The following COL26A1 variants were observed in gnomAD, a reference collection of about 807,000 sequenced individuals.
COL26A1 encodes the protein collagen alpha-1(XXVI) chain.
In COL26A1, 41 loss-of-function variants were observed where a neutral mutation model predicts 59.3. The ratio of observed to expected loss-of-function variants is 0.69; its 90% CI spans 0.54 to 0.90. COL26A1 has a LOEUF of 0.90. COL26A1 is among the 40% of genes least tolerant of loss of function. The pLI, the probability that COL26A1 is intolerant of heterozygous loss-of-function variation, is 0.00. For synonymous variants in COL26A1, 266 were observed against 256.0 expected (o/e 1.04, Z -0.37); for missense variants, 612 against 602.3 (o/e 1.02, Z -0.17).
rs186342608 is a variant in COL26A1 at position 101,557,610 on chromosome 7, G to T, written c.*80G>T. 1.2e-4 allele frequency: 165 copies of T among 1,401,094 alleles called. No individual in the cohort carries two copies. In the African/African-American group the frequency reaches 1.9e-3, roughly 16 times the overall value. The allele number at this position is 1,401,094 out of a possible 1,614,324, so 86.8% of individuals were successfully genotyped here. On this transcript the variant is annotated 3_prime_UTR_variant, in exon 13 of 13. Transcript: ENST00000313669. ...TGAGCCGCCGCTGTTTCCTAAAGAT[G>T]CCCCCAGGGGAACTGGGCTCCAGGC...
At chr7:101,446,459 C>A (rs560083562) in intron 2 of COL26A1, among the ~76,000 whole-genome samples, 2 of 152,166 alleles carry the variant, frequency 1.3e-5, no homozygotes, top group Non-Finnish European at 2.9e-5. Context: ...AGAGGGATGG[C>A]GACTTGTGCA....
intron 11 of COL26A1, 148 bp downstream of exon 11, chr7:101,553,524 A>G (rs1055126218): frequency 1.6e-4 from 94 of 581,552 alleles, no homozygotes; most frequent in Admixed American, 4.5e-4. Context: ...CCCTGCCCTG[A>G]GAAGTTCACA....
chr7:101,549,284 T>TC, intron 9 of COL26A1, 61 bp downstream of exon 9: 2 of 1,178,984 alleles, frequency 1.7e-6, no homozygotes, highest in Non-Finnish European at 2.5e-6. Context: ...TGGCCTTGTC[T>TC]CCCTAGGGGA....
At chr7:101,377,472 T>C (rs1791346255) in intron 1 of COL26A1, among the ~76,000 whole-genome samples, 1 of 152,130 alleles carries the variant, frequency 6.6e-6, no homozygotes, top group Non-Finnish European at 1.5e-5. Context: ...TTGTTCAGGC[T>C]GGAATGCAGT....
In COL26A1 at chr7:101,363,105, T is replaced by C. The variant is rs767776409; in HGVS notation, c.73T>C (p.Tyr25His). 21 of 1,556,948 alleles carry C rather than the reference T, an allele frequency of 1.3e-5. No individual in the cohort carries two copies. The highest frequency in any genetic ancestry group is 1.8e-5 in the Non-Finnish European group (21 of 1,160,352). The change falls in exon 1 of 13, where the codon TAT (tyrosine) becomes CAT (histidine). Residue 25 changes from tyrosine to histidine, a missense_variant. Tyr to His is a moderately conservative substitution (Grantham distance 83). Transcript: ENST00000313669. ...GTCGGCGCTGGCCACCGGCTTCCTCTATCCCTTCTCGGCCGCAGCTCTGCA... is the reference window on the plus strand; with the variant it reads ...GTCGGCGCTGGCCACCGGCTTCCTCCATCCCTTCTCGGCCGCAGCTCTGCA... ...CGSALATGFLYPFSAAALQQH... is the reference protein window; with the variant it reads ...CGSALATGFLHPFSAAALQQH...
intron 3 of COL26A1, among the ~76,000 whole-genome samples, 152 bp from the exon 4 acceptor site, chr7:101,532,930 G>A (rs1262429263): frequency 6.6e-6 from 1 of 152,182 alleles, no homozygotes; most frequent in Non-Finnish European, 1.5e-5. Context: ...GGCTCTGAGG[G>A]TAAGGCTTTG....
At chr7:101,389,834 T>A (rs563722344) in intron 1 of COL26A1, among the ~76,000 whole-genome samples, 2 of 152,162 alleles carry the variant, frequency 1.3e-5, no homozygotes, top group African/African-American at 4.8e-5. Context: ...ATTACAGGCG[T>A]GAGCCACCGC....
At chr7:101,490,569 C>G (rs1308796725) in intron 3 of COL26A1, among the ~76,000 whole-genome samples, 1 of 151,578 alleles carries the variant, frequency 6.6e-6, no homozygotes, top group African/African-American at 2.4e-5. Context: ...GGTATGGTGG[C>G]ACAAGCCTGT....
rs1044118786 is a variant in COL26A1 at position 101,493,385 on chromosome 7, G to A, written c.386-39697G>A. Among the ~76,000 whole-genome samples the A allele has an allele frequency of 2.2e-4, 33 of 152,120 alleles. 2 individuals carry two copies. The highest frequency in any genetic ancestry group is 1.9e-3 in the South Asian group (9 of 4,814). ...GCAAAGGCTCAGCTCAGAAGTCCCC[G>A]CCTCCATGAAGCCCTCCTGACTACT... On this transcript the variant is annotated intron_variant, in intron 3 of 12. Transcript: ENST00000313669.
At chr7:101,366,534 T>C (rs1791053614) in intron 1 of COL26A1, among the ~76,000 whole-genome samples, 1 of 135,076 alleles carries the variant, frequency 7.4e-6, no homozygotes, top group Non-Finnish European at 1.5e-5. Flanking sequence ...AGGGTCTTGC[T>C]CTGTCACCCA....
chr7:101,511,713 A>C (rs191688129), intron 3 of COL26A1, among the ~76,000 whole-genome samples: 1 of 152,346 alleles, frequency 6.6e-6, no homozygotes, highest in East Asian at 1.9e-4. Context: ...CAGGCCAACA[A>C]AAGGGAGGAC....
rs569710595 is a variant in COL26A1, at chr7:101,557,454, C to A, written c.1250C>A (p.Pro417His). 1.0e-4 allele frequency: 161 copies of A among 1,613,738 alleles called. No individual in the cohort carries two copies. The South Asian group carries it at 1.6e-3, about 17-fold the overall frequency. Reference sequence around the variant, plus strand: ...AAGATGAAGAGGGGTGGCGCCCAACCCGATGGGGTCCTTGCTGCCCTGCTT... The same window carrying A: ...AAGATGAAGAGGGGTGGCGCCCAACACGATGGGGTCCTTGCTGCCCTGCTT... ...NLKMKRGGAQ[P>H]DGVLAALLGP... The change falls in exon 13 of 13, where the codon CCC becomes CAC. Residue 417 changes from proline (P) to histidine (H), a missense_variant. Transcript: ENST00000313669.
At chr7:101,382,263 G>A (rs1409239102) in intron 1 of COL26A1, among the ~76,000 whole-genome samples, 11 of 152,000 alleles carry the variant, frequency 7.2e-5, no homozygotes, top group Non-Finnish European at 1.2e-4. Flanking sequence ...TGTCCAGGCT[G>A]GTCTCAAATT....
At chr7:101,374,138 CAG>C (rs1315940022) in intron 1 of COL26A1, among the ~76,000 whole-genome samples, 1 of 152,208 alleles carries the variant, frequency 6.6e-6, no homozygotes, top group African/African-American at 2.4e-5. Flanking sequence ...TCCGAGTTGT[CAG>C]GGGTCCCTGG....
intron 1 of COL26A1, among the ~76,000 whole-genome samples, chr7:101,417,421 C>G (rs1318704874): frequency 6.7e-6 from 1 of 149,032 alleles, no homozygotes; most frequent in East Asian, 1.9e-4. Context: ...TGAAAGGTCA[C>G]CAGTTTTTGA....
intron 3 of COL26A1, among the ~76,000 whole-genome samples, chr7:101,460,545 G>A (rs1359320178): frequency 6.6e-6 from 1 of 152,116 alleles, no homozygotes; most frequent in East Asian, 1.9e-4. Context: ...CACTTAGGGA[G>A]GTGGAGGTGG....
intron 2 of COL26A1, among the ~76,000 whole-genome samples, chr7:101,425,539 C>T (rs1792623744): frequency 6.6e-6 from 1 of 152,130 alleles, no homozygotes; most frequent in Admixed American, 6.6e-5. Context: ...TTCTGTCACC[C>T]AGGCTGGAGT....
Position 101,557,749 on chromosome 7 carries a change from AC to A in COL26A1, c.*224del. 2 of 463,200 alleles carry A rather than the reference AC, an allele frequency of 4.3e-6. No individual in the cohort carries two copies. Among genetic ancestry groups the A allele is most frequent in the African/African-American group, 3.9e-5 (2 of 50,888 alleles). 28.7% of individuals were successfully genotyped at this position (463,200 alleles called of 1,614,324 possible). A position where few individuals can be genotyped will look rare whatever the true frequency, so the allele number is the denominator to read the frequency against. On this transcript the variant is annotated 3_prime_UTR_variant, in exon 13 of 13. Coordinates refer to ENST00000313669, the MANE Select transcript of COL26A1 (RefSeq NM_001278563.3). ...CCTCCTCTGGCCTGTCCCCTCCCCT[AC>A]CCCCACTCCCGGCTGGAGACGGGGT...
intron 2 of COL26A1, among the ~76,000 whole-genome samples, chr7:101,436,582 C>T (rs1013020699): frequency 1.2e-4 from 18 of 152,172 alleles, no homozygotes; most frequent in Admixed American, 8.5e-4. Context: ...GGTGCAATGT[C>T]CCCCCGCACC....
Sources: gnomAD v4.1 joint callset for allele counts (sites outside exome capture counted in the v4.1 genomes callset) on GRCh38, gnomAD v4.1.1 for gene constraint, MANE v1.5 for transcripts, NCBI Gene and HGNC (gene_info 2026-07-23, HGNC 2026-07-21) for gene names.